DOCK4: variants seen among roughly 807,000 people sequenced by gnomAD.
The protein encoded by DOCK4 is dedicator of cytokinesis protein 4.
DOCK4 carries 97 observed loss-of-function variants against 268.1 expected under a neutral mutation model. The observed-to-expected ratio is 0.36, with a 90% CI of 0.31 to 0.43. The LOEUF (loss-of-function observed/expected upper bound fraction) is 0.43, where lower values mean the gene tolerates loss of function less well. Ranked by LOEUF, DOCK4 falls within the 20% of genes least tolerant of loss-of-function variation. The pLI is 1.00. For missense variants in DOCK4, 2,145 were observed against 2,455.7 expected (o/e 0.87, Z 2.67); for synonymous variants, 954 against 887.2 (o/e 1.08, Z -1.34).
intron 8 of DOCK4, among the ~76,000 whole-genome samples, chr7:111,955,549 T>C (rs560278504): frequency 6.6e-6 from 1 of 152,216 alleles, no homozygotes; most frequent in South Asian, 2.1e-4. Flanking sequence ...CAATTCTTTC[T>C]TACTAGTCAG....
Position 112,005,336 on chromosome 7 carries a change from C to T in DOCK4, c.38-1205G>A, listed in dbSNP as rs567959858. Among the ~76,000 whole-genome samples the T allele has an allele frequency of 2.0e-5, 3 of 152,228 alleles. No individual in the cohort carries two copies. In the South Asian group the frequency reaches 6.2e-4, roughly 32 times the overall value. On this transcript the variant is annotated intron_variant, in intron 1 of 52. Coordinates refer to ENST00000428084, the MANE Select transcript of DOCK4 (RefSeq NM_001363540.2). Reference sequence around the variant, plus strand: ...GAGAAGTCTCATGCCCTTTTATGATCTCAAAACAAAATTAACAGTAGAGGT... The same window carrying T: ...GAGAAGTCTCATGCCCTTTTATGATTTCAAAACAAAATTAACAGTAGAGGT...
intron 42 of DOCK4, among the ~76,000 whole-genome samples, chr7:111,753,968 T>C (rs1796858651): frequency 6.6e-6 from 1 of 152,222 alleles, no homozygotes; most frequent in South Asian, 2.1e-4. Context: ...ATGCTATTTT[T>C]TATTAGCATT....
At chr7:112,169,997 C>T (rs78436646) in intron 1 of DOCK4, among the ~76,000 whole-genome samples, 5,169 of 152,196 alleles carry the variant, frequency 0.034, 296 homozygotes, top group African/African-American at 0.12. Context: ...CAGATTTTTA[C>T]ACAACCCCTG....
intron 51 of DOCK4, among the ~76,000 whole-genome samples, chr7:111,732,680 G>A (rs1795183577): frequency 6.6e-6 from 1 of 152,202 alleles, no homozygotes; most frequent in Non-Finnish European, 1.5e-5. Context: ...TGACTTTGGC[G>A]TGAGCACCAA....
intron 1 of DOCK4, among the ~76,000 whole-genome samples, chr7:112,032,716 T>C (rs1803387472): frequency 6.6e-6 from 1 of 152,190 alleles, no homozygotes; most frequent in Non-Finnish European, 1.5e-5. Flanking sequence ...TTTATCTTTA[T>C]TGGCTCATTT....
At chr7:111,894,462 T>A (rs1425055908) in intron 16 of DOCK4, among the ~76,000 whole-genome samples, 1 of 151,992 alleles carries the variant, frequency 6.6e-6, no homozygotes, top group Non-Finnish European at 1.5e-5. Flanking sequence ...ATGAGAACAA[T>A]GGTAAGAGAT....
At chr7:111,797,356 C>T (rs1799973405) in intron 30 of DOCK4, among the ~76,000 whole-genome samples, 1 of 152,076 alleles carries the variant, frequency 6.6e-6, no homozygotes, top group African/African-American at 2.4e-5. Flanking sequence ...GAACCTTAGG[C>T]AAATAAAGGA....
intron 1 of DOCK4, among the ~76,000 whole-genome samples, chr7:112,044,968 C>T (rs950204818): frequency 6.6e-6 from 1 of 152,138 alleles, no homozygotes; most frequent in East Asian, 1.9e-4. Flanking sequence ...ATCCTCCTAA[C>T]CCCAAAACCC....
chr7:112,196,337 T>G (rs1820435457), intron 1 of DOCK4, among the ~76,000 whole-genome samples: 1 of 152,202 alleles, frequency 6.6e-6, no homozygotes. Context: ...CCTCCTTCTC[T>G]GTCACCAATA....
intron 23 of DOCK4, among the ~76,000 whole-genome samples, chr7:111,848,280 T>A (rs1804272550): frequency 6.6e-6 from 1 of 152,204 alleles, no homozygotes; most frequent in East Asian, 1.9e-4. Flanking sequence ...TGCTATCAGA[T>A]ATTTTATTTC....
At chr7:112,157,044 T>C (rs564113633) in intron 1 of DOCK4, among the ~76,000 whole-genome samples, 1 of 152,310 alleles carries the variant, frequency 6.6e-6, no homozygotes, top group East Asian at 1.9e-4. Flanking sequence ...AAACATGTAA[T>C]TTTTCTCCTT....
At chr7:112,030,372 T>C (rs73432722) in intron 1 of DOCK4, among the ~76,000 whole-genome samples, 3,582 of 152,326 alleles carry the variant, frequency 0.024, 119 homozygotes, top group African/African-American at 0.08. Context: ...TTGGCTGTGT[T>C]AGTGCCGCCT....
intron 1 of DOCK4, among the ~76,000 whole-genome samples, chr7:112,038,195 G>A (rs1804013087): frequency 6.6e-6 from 1 of 152,084 alleles, no homozygotes; most frequent in African/African-American, 2.4e-5. Context: ...ATTTGGAGGT[G>A]CTTTGTAACT....
intron 16 of DOCK4, among the ~76,000 whole-genome samples, chr7:111,879,188 T>G (rs1432271032): frequency 6.6e-6 from 1 of 152,008 alleles, no homozygotes; most frequent in Non-Finnish European, 1.5e-5. Flanking sequence ...GCCTCCATTC[T>G]AGGCTTAGAT....
At chr7:112,006,994 A>T (rs4730504) in intron 1 of DOCK4, among the ~76,000 whole-genome samples, 16,532 of 152,084 alleles carry the variant, frequency 0.11, 1,870 homozygotes, top group African/African-American at 0.27. Flanking sequence ...ATTATTCTCT[A>T]TTTAGGGGGT....
intron 1 of DOCK4, among the ~76,000 whole-genome samples, chr7:112,177,974 A>G (rs1289901635): frequency 6.6e-6 from 1 of 152,172 alleles, no homozygotes; most frequent in Non-Finnish European, 1.5e-5. Context: ...ATCCCCTGGG[A>G]CTTTCTTGAT....
intron 1 of DOCK4, among the ~76,000 whole-genome samples, chr7:112,204,882 A>AACAC (rs34706974): frequency 0.19 from 29,223 of 149,902 alleles, 3,460 homozygotes; most frequent in Non-Finnish European, 0.27. Flanking sequence ...TCAATTTTAA[A>AACAC]ACACACACAC....
Position 111,908,689 on chromosome 7 carries a change from T to C in DOCK4, c.1193-6888A>G, listed in dbSNP as rs1264306932. On this transcript the variant is annotated intron_variant, in intron 13 of 52. Coordinates refer to ENST00000428084, the MANE Select transcript of DOCK4 (RefSeq NM_001363540.2). ...GCATTACGTATTTGTCCTAATGCTC[T>C]CCCTCCCCTTGCCCCCCACCGCCCC... 2.0e-5 allele frequency among the ~76,000 whole-genome samples: 3 copies of C among 152,096 alleles called. No individual in the cohort carries two copies. In the East Asian group the frequency reaches 5.8e-4, roughly 29 times the overall value.
At chr7:112,042,858 T>C (rs1009910074) in intron 1 of DOCK4, among the ~76,000 whole-genome samples, 8 of 152,238 alleles carry the variant, frequency 5.3e-5, no homozygotes, top group South Asian at 2.1e-4. Flanking sequence ...GTCTTTCTCA[T>C]GAGAGTGTGT....
Sources: allele counts gnomAD v4.1 joint callset (sites outside exome capture counted in the v4.1 genomes callset), GRCh38; gene constraint gnomAD v4.1.1; transcripts MANE v1.5; gene names NCBI Gene and HGNC (gene_info 2026-07-23, HGNC 2026-07-21).